Variants in TTC39C observed in about 807,000 individuals in gnomAD.
TTC39C encodes tetratricopeptide repeat protein 39C.
Under a neutral mutation model 76.3 loss-of-function variants are expected in TTC39C, and 33 were observed. That is an observed-to-expected ratio of 0.43 (90% CI 0.33 to 0.58). TTC39C has a LOEUF of 0.58. TTC39C is among the 20% of genes least tolerant of loss of function. TTC39C has a pLI of 0.04. For synonymous variants in TTC39C, 254 were observed against 260.6 expected (o/e 0.97, Z 0.24); for missense variants, 595 against 701.4 (o/e 0.85, Z 1.71).
Position 24,091,952 on chromosome 18 carries a change from G to GCA in TTC39C, c.984+8871_984+8872insCA, listed in dbSNP as rs1338844106. Among the ~76,000 whole-genome samples the GCA allele has an allele frequency of 3.5e-3, 536 of 151,770 alleles. 7 individuals carry two copies. The highest frequency in any genetic ancestry group is 0.012 in the African/African-American group (496 of 41,422). ...AAAAAAAATGCAAAAAATTAGCCAG[G>GCA]TGTGGTAGCGGGCGCCTGTAGTCCC... is the stretch of plus-strand genomic sequence containing the variant. On this transcript the variant is annotated intron_variant, in intron 6 of 13. Transcript: ENST00000317571.
At chr18:23,999,308 A>G (rs192976867) in intron 1 of TTC39C, among the ~76,000 whole-genome samples, 3 of 152,246 alleles carry the variant, frequency 2.0e-5, no homozygotes, top group African/African-American at 7.2e-5. Context: ...AAGGGAGTCA[A>G]TGTGGGGTGA....
intron 1 of TTC39C, chr18:24,019,963 C>G: frequency 6.7e-7 from 1 of 1,483,508 alleles, no homozygotes; most frequent in Non-Finnish European, 8.9e-7. Flanking sequence ...TCTTCTCTGC[C>G]TAAAACCATG....
At chr18:24,011,671 G>C (rs1197200550), upstream of TTC39C, among the ~76,000 whole-genome samples, 1 of 152,118 alleles carries the variant, frequency 6.6e-6, no homozygotes, top group Non-Finnish European at 1.5e-5. Context: ...TTCTTTTACT[G>C]ATCATTTGAA....
Position 23,998,812 on chromosome 18 carries a change from T to TTCTAAATA in TTC39C, c.-17+5774_-17+5775insTCTAAATA, listed in dbSNP as rs61564199. On this transcript the variant is annotated intron_variant, in intron 1 of 13. Transcript: ENST00000304621. Reference sequence around the variant, plus strand: ...GTCTGAACTGTAAGCATGAAGCTGGTGGAGCTCTCTGGAGCACTCAAGTGG... The same window carrying TTCTAAATA: ...GTCTGAACTGTAAGCATGAAGCTGGTTCTAAATAGGAGCTCTCTGGAGCACTCAAGTGG... Among the ~76,000 whole-genome samples the TTCTAAATA allele has an allele frequency of 3.1e-3, 470 of 152,156 alleles. 2 individuals carry two copies. Among genetic ancestry groups the TTCTAAATA allele is most frequent in the African/African-American group, 0.011 (447 of 41,512 alleles).
chr18:24,020,324 G>A (rs2083503596), intron 1 of TTC39C: 4 of 989,748 alleles, frequency 4.0e-6, no homozygotes, highest in Non-Finnish European at 4.8e-6. Flanking sequence ...GCCACTGCCT[G>A]TAGAATAATA....
At chr18:24,012,875 ACACACACACACG>A (rs1258911053), upstream of TTC39C, 2 of 152,262 alleles carry the variant, frequency 1.3e-5, no homozygotes, top group Non-Finnish European at 2.9e-5. Context: ...ACACACACAC[ACACACACACACG>A]CATAAATTTA....
chr18:24,103,910 G>A (rs923416585), intron 6 of TTC39C, among the ~76,000 whole-genome samples: 14 of 151,114 alleles, frequency 9.3e-5, no homozygotes, highest in Non-Finnish European at 1.6e-4. Flanking sequence ...CATTCAGTGC[G>A]AAATCCCACA....
intron 1 of TTC39C, among the ~76,000 whole-genome samples, chr18:24,042,555 G>A (rs751216108): frequency 3.9e-5 from 6 of 152,166 alleles, no homozygotes; most frequent in Non-Finnish European, 7.3e-5. Context: ...TGGACCCTGC[G>A]ACCCAGGGGT....
upstream of TTC39C, among the ~76,000 whole-genome samples, chr18:24,012,170 T>C (rs6508091): frequency 2.5e-4 from 8 of 32,596 alleles, no homozygotes; most frequent in African/African-American, 3.2e-4. Flanking sequence ...ATTTGGAGGC[T>C]CTTTTTGTAT....
chr18:24,119,126 T>G (rs112720990), intron 8 of TTC39C, among the ~76,000 whole-genome samples: 4 of 16 alleles, frequency 0.25, no homozygotes, highest in East Asian at 0.5. Context: ...CTGTTTTGAA[T>G]TAAGTGTTTT....
At chr18:24,100,934 A>T (rs921213329) in intron 6 of TTC39C, among the ~76,000 whole-genome samples, 5 of 152,124 alleles carry the variant, frequency 3.3e-5, no homozygotes, top group Non-Finnish European at 7.3e-5. Context: ...GTTAATTGGG[A>T]TATCCTGGGA....
At chr18:24,046,129 G>A (rs1406928157) in intron 1 of TTC39C, among the ~76,000 whole-genome samples, 1 of 151,088 alleles carries the variant, frequency 6.6e-6, no homozygotes, top group African/African-American at 2.4e-5. Context: ...TAGTAGAGAT[G>A]GGGTTTCACT....
chr18:24,016,451 G>C (rs935973719), intron 1 of TTC39C, among the ~76,000 whole-genome samples: 4 of 152,212 alleles, frequency 2.6e-5, no homozygotes, highest in Non-Finnish European at 5.9e-5. Flanking sequence ...TGTCGTATGA[G>C]AGAAGGATGG....
At chr18:24,124,080 G>A in intron 9 of TTC39C, 137 bp downstream of exon 9, 1 of 590,088 alleles carries the variant, frequency 1.7e-6, no homozygotes, top group South Asian at 2.2e-5. Context: ...CCGCCATGCA[G>A]AGGATTCTCT....
chr18:24,038,333 A>G (rs2083754636), intron 1 of TTC39C, among the ~76,000 whole-genome samples: 1 of 152,136 alleles, frequency 6.6e-6, no homozygotes, highest in Non-Finnish European at 1.5e-5. Flanking sequence ...CCCAGGCTGG[A>G]GTGCAGTGGT....
In TTC39C at chr18:24,104,688, T is replaced by TTGTGTGTGTGTGTGTG. The variant is rs10661950; in HGVS notation, c.985-9847_985-9832dup. On this transcript the variant is annotated intron_variant, in intron 6 of 13. Transcript: ENST00000317571. ...GCCCAGCGCTTAGGGAGCAGGGTGT[T>TTGTGTGTGTGTGTGTG]TGTGTGTGTGTGTGTGTGTGTGTGT... Among the ~76,000 whole-genome samples the TTGTGTGTGTGTGTGTG allele has an allele frequency of 5.6e-3, 817 of 144,832 alleles. 14 individuals carry two copies. The highest frequency in any genetic ancestry group is 0.05 in the East Asian group (236 of 4,758).
chr18:24,113,435 G>C (rs2145807655), intron 6 of TTC39C: 1 of 611,274 alleles, frequency 1.6e-6, no homozygotes, highest in Non-Finnish European at 2.9e-6. Flanking sequence ...GACCCTTCCA[G>C]CCCACCTGGC....
chr18:24,025,789 A>G (rs2083592718), intron 1 of TTC39C, among the ~76,000 whole-genome samples: 1 of 152,180 alleles, frequency 6.6e-6, no homozygotes, highest in Admixed American at 6.5e-5. Context: ...TGAATCCCCT[A>G]GCCTGCTTAG....
At chr18:24,009,385 C>T (rs1267272601) in intron 1 of TTC39C, among the ~76,000 whole-genome samples, 2 of 152,192 alleles carry the variant, frequency 1.3e-5, no homozygotes, top group Non-Finnish European at 2.9e-5. Flanking sequence ...GAGACGGCCT[C>T]TCCCTCTGCA....
Sources: gnomAD v4.1 joint callset for allele counts (sites outside exome capture counted in the v4.1 genomes callset) on GRCh38, gnomAD v4.1.1 for gene constraint, MANE v1.5 for transcripts, NCBI Gene and HGNC (gene_info 2026-07-23, HGNC 2026-07-21) for gene names.